Variants in SCLT1 observed in about 807,000 individuals in gnomAD.
The protein encoded by SCLT1 is sodium channel and clathrin linker 1.
Under a neutral mutation model 112.8 loss-of-function variants are expected in SCLT1, and 78 were observed. The ratio of observed to expected loss-of-function variants is 0.69; its 90% confidence interval spans 0.58 to 0.83. The LOEUF (loss-of-function observed/expected upper bound fraction) is 0.83, where lower values mean the gene tolerates loss of function less well. SCLT1 is among the 40% of genes least tolerant of loss of function. SCLT1 has a pLI of 0.00. For synonymous variants in SCLT1, 257 were observed against 254.7 expected, an observed-to-expected ratio of 1.01 and a Z score of -0.09; for missense variants, 747 against 770.4, an observed-to-expected ratio of 0.97 and a Z score of 0.36.
chr4:128,882,672 A>G (rs1216820264), downstream of SCLT1, among the ~76,000 whole-genome samples: 1 of 152,212 alleles, frequency 6.6e-6, no homozygotes, highest in Non-Finnish European at 1.5e-5. Flanking sequence ...GTTGGGGGGA[A>G]GATGACATTA....
intron 17 of SCLT1, among the ~76,000 whole-genome samples, chr4:128,937,060 C>CCT (rs1159819336): frequency 1.3e-5 from 2 of 152,058 alleles, no homozygotes; most frequent in East Asian, 3.9e-4. Flanking sequence ...GGGCAGATCA[C>CCT]GAGGTCAGGA....
intron 18 of SCLT1, among the ~76,000 whole-genome samples, chr4:128,924,647 G>A (rs1035248183): frequency 2.6e-5 from 4 of 151,970 alleles, no homozygotes; most frequent in African/African-American, 9.7e-5. Flanking sequence ...AGAAATTTTT[G>A]CTTATCATAA....
chr4:129,064,739 C>T (rs1750318846), intron 2 of SCLT1, among the ~76,000 whole-genome samples: 2 of 152,124 alleles, frequency 1.3e-5, no homozygotes, highest in African/African-American at 4.8e-5. Context: ...TTTCCTTTGA[C>T]TAGTAAGCCA....
chr4:128,964,514 G>T (rs567890047), intron 11 of SCLT1, among the ~76,000 whole-genome samples: 1 of 152,140 alleles, frequency 6.6e-6, no homozygotes, highest in Non-Finnish European at 1.5e-5. Flanking sequence ...GCTTCAGCTT[G>T]CAAGATTTTT....
At chr4:129,089,022 G>A (rs1247501157) in intron 1 of SCLT1, among the ~76,000 whole-genome samples, 1 of 152,128 alleles carries the variant, frequency 6.6e-6, no homozygotes, top group African/African-American at 2.4e-5. Flanking sequence ...TTAAACTGAA[G>A]AGCTTCTACA....
rs36041794 is a variant in SCLT1 at position 129,039,900 on chromosome 4, GCACACACACACA to G, written c.235-816_235-805del. On this transcript the variant is annotated intron_variant, in intron 4 of 20. Transcript: ENST00000281142. ...GAGCAAATGGAGAGTGTGCGCGCGC[GCACACACACACA>G]CACACACACACACACACACAAAACC... 5.2e-3 allele frequency: 1,142 copies of G among 219,018 alleles called. 14 individuals are homozygous for G. The highest frequency in any genetic ancestry group is 0.024 in the African/African-American group (1,045 of 43,440). The allele number at this position is 219,018 out of a possible 1,614,324, so 13.6% of individuals were successfully genotyped here.
intron 2 of SCLT1, among the ~76,000 whole-genome samples, chr4:129,049,042 C>T (rs1748485452): frequency 6.6e-6 from 1 of 151,874 alleles, no homozygotes; most frequent in Non-Finnish European, 1.5e-5. Context: ...GGACTGTAAA[C>T]TAGTTCAACC....
intron 2 of SCLT1, among the ~76,000 whole-genome samples, chr4:129,061,366 G>A (rs945880832): frequency 3.3e-5 from 5 of 152,080 alleles, no homozygotes. Flanking sequence ...CCAGCTCCAG[G>A]GAAGCAGGGT....
At chr4:129,026,583 CCACAAGAGAAAGCA>C (rs1746110009) in intron 5 of SCLT1, among the ~76,000 whole-genome samples, 1 of 151,668 alleles carries the variant, frequency 6.6e-6, no homozygotes, top group Non-Finnish European at 1.5e-5. Flanking sequence ...CACTAAATGC[CCACAAGAGAAAGCA>C]GGAAAGATCC....
At chr4:128,909,060 A>G (rs1334847000) in intron 18 of SCLT1, among the ~76,000 whole-genome samples, 3 of 152,170 alleles carry the variant, frequency 2.0e-5, no homozygotes, top group African/African-American at 7.2e-5. Context: ...TTTTACTTCA[A>G]ACATACTGAT....
intron 9 of SCLT1, among the ~76,000 whole-genome samples, chr4:128,987,546 C>A (rs13115576): frequency 0.088 from 13,370 of 152,004 alleles, 751 homozygotes; most frequent in South Asian, 0.15. Context: ...GTTGAAAAAT[C>A]CCATTGAAAA....
chr4:128,983,780 T>C (rs1046183320), intron 9 of SCLT1, among the ~76,000 whole-genome samples: 1 of 152,104 alleles, frequency 6.6e-6, no homozygotes, highest in Non-Finnish European at 1.5e-5. Context: ...CACCACACTA[T>C]CAGACAACAA....
intron 5 of SCLT1, among the ~76,000 whole-genome samples, chr4:129,013,724 A>T (rs1744745957): frequency 6.6e-6 from 1 of 150,520 alleles, no homozygotes; most frequent in Admixed American, 6.6e-5. Context: ...CTTTCTCTCT[A>T]AGATGTCTTT....
At chr4:129,046,329 A>G (rs1221069320) in intron 2 of SCLT1, among the ~76,000 whole-genome samples, 1 of 152,090 alleles carries the variant, frequency 6.6e-6, no homozygotes, top group African/African-American at 2.4e-5. Flanking sequence ...CAAACCCCTA[A>G]GTCACTACCC....
intron 5 of SCLT1, among the ~76,000 whole-genome samples, chr4:129,028,071 G>C (rs1746300413): frequency 6.6e-6 from 1 of 152,192 alleles, no homozygotes; most frequent in Non-Finnish European, 1.5e-5. Flanking sequence ...TGGGCAGGAA[G>C]AATCAATATT....
intron 10 of SCLT1, among the ~76,000 whole-genome samples, chr4:128,969,886 C>T (rs1425305183): frequency 6.6e-6 from 1 of 152,126 alleles, no homozygotes; most frequent in African/African-American, 2.4e-5. Context: ...GGAAATAAGG[C>T]TTAGAAAGTT....
intron 3 of SCLT1, among the ~76,000 whole-genome samples, chr4:128,878,185 G>A (rs116533215): frequency 0.022 from 3,408 of 152,202 alleles, 110 homozygotes; most frequent in African/African-American, 0.074. Flanking sequence ...TTTTACAAAT[G>A]AATAAGCAAT....
chr4:128,927,472 G>T lies in SCLT1; in HGVS notation c.1829+9183C>A, dbSNP rs575618667. On this transcript the variant is annotated intron_variant, in intron 18 of 20. Transcript: ENST00000281142. ...CATCTGTGGTCCTAGCTACTTGGGA[G>T]GTTGAGGCAGGAAAACTGCTTGAAC... Among the ~76,000 whole-genome samples the T allele has an allele frequency of 2.0e-5, 3 of 152,080 alleles. No homozygotes were observed. In the East Asian group the frequency reaches 5.8e-4, roughly 29 times the overall value.
chr4:129,030,304 C>G (rs904679057), intron 5 of SCLT1, among the ~76,000 whole-genome samples: 5 of 152,060 alleles, frequency 3.3e-5, no homozygotes, highest in Admixed American at 3.3e-4. Flanking sequence ...TGGGACACAG[C>G]TAAAGCAGTG....
Sources: allele counts gnomAD v4.1 joint callset (sites outside exome capture counted in the v4.1 genomes callset), GRCh38; gene constraint gnomAD v4.1.1; transcripts MANE v1.5; gene names NCBI Gene and HGNC (gene_info 2026-07-23, HGNC 2026-07-21).